Variants in MTSS1 observed in about 807,000 individuals in gnomAD.
MTSS1 encodes the protein MTSS I-BAR domain containing 1, also known as protein MTSS 1.
MTSS1 carries 18 observed loss-of-function variants against 79.0 expected under a neutral mutation model. The observed-to-expected ratio is 0.23, with a 90% CI of 0.16 to 0.34. MTSS1 has a LOEUF of 0.34. Ranked by LOEUF, MTSS1 falls within the 10% of genes least tolerant of loss-of-function variation. The pLI is 1.00. For missense variants in MTSS1, 815 were observed against 986.2 expected (o/e 0.83, Z 2.33); for synonymous variants, 341 against 368.6 (o/e 0.93, Z 0.86).
At chr8:124,621,446 T>C (rs1228271712) in intron 3 of MTSS1, among the ~76,000 whole-genome samples, 18 of 152,346 alleles carry the variant, frequency 1.2e-4, no homozygotes, top group Non-Finnish European at 2.1e-4. Flanking sequence ...GCCAGGCCCA[T>C]GGGCAGAAGG....
At chr8:124,571,907 T>C (rs1370859938) in intron 6 of MTSS1, among the ~76,000 whole-genome samples, 1 of 152,136 alleles carries the variant, frequency 6.6e-6, no homozygotes, top group Non-Finnish European at 1.5e-5. Context: ...GAGGTTGCAG[T>C]GAGCTGAGAT....
intron 3 of MTSS1, among the ~76,000 whole-genome samples, chr8:124,657,360 TTG>T (rs898377752): frequency 6.6e-6 from 1 of 152,074 alleles, no homozygotes; most frequent in Non-Finnish European, 1.5e-5. Context: ...ATTGTCTTTT[TTG>T]TGTGTGTGTT....
intron 3 of MTSS1, among the ~76,000 whole-genome samples, chr8:124,627,102 C>T (rs1814843186): frequency 6.6e-6 from 1 of 152,102 alleles, no homozygotes; most frequent in South Asian, 2.1e-4. Context: ...GCTTCCAAGG[C>T]TGCCACCAGG....
At chr8:124,715,456 C>T (rs763511150) in intron 1 of MTSS1, among the ~76,000 whole-genome samples, 1 of 151,954 alleles carries the variant, frequency 6.6e-6, no homozygotes, top group Non-Finnish European at 1.5e-5. Context: ...GCATGATGAA[C>T]TTGTCACATC....
intron 2 of MTSS1, among the ~76,000 whole-genome samples, chr8:124,703,275 G>C (rs1163043645): frequency 6.6e-6 from 1 of 151,944 alleles, no homozygotes; most frequent in Non-Finnish European, 1.5e-5. Flanking sequence ...GTCAACACAA[G>C]GTTTTATTTT....
At chr8:124,556,662 GCAGGAGACCCGGCAGCCACCTAA>G in intron 11 of MTSS1, 2 of 507,856 alleles carry the variant, frequency 3.9e-6, no homozygotes, top group Non-Finnish European at 7.0e-6. Context: ...CCAGGTGGCA[GCAGGAGACCCGGCAGCCACCTAA>G]CAGGTGACCG....
chr8:124,661,655 G>A (rs1012557619), intron 3 of MTSS1, among the ~76,000 whole-genome samples: 7 of 152,132 alleles, frequency 4.6e-5, no homozygotes, highest in African/African-American at 1.7e-4. Context: ...GGGTGGTAAG[G>A]CTTCCTTCCT....
intron 3 of MTSS1, among the ~76,000 whole-genome samples, chr8:124,672,922 G>A (rs1027448552): frequency 6.6e-6 from 1 of 151,118 alleles, no homozygotes; most frequent in African/African-American, 2.5e-5. Context: ...TATATATGGA[G>A]AAAGAAAAAG....
chr8:124,551,638 T>C lies in MTSS1; in HGVS notation c.*1354A>G, dbSNP rs1408963396. ...GACTTGCTTGCTTTCTTAAACACTA[T>C]TGTCTTCAAATGTGATCCCTTTAAA... is the stretch of plus-strand genomic sequence containing the variant. On this transcript the variant is annotated 3_prime_UTR_variant, in exon 14 of 14. Coordinates refer to ENST00000518547, the MANE Select transcript of MTSS1 (RefSeq NM_014751.6). 1 of 152,446 alleles carries C rather than the reference T, an allele frequency of 6.6e-6. No homozygotes were observed. Among genetic ancestry groups the C allele is most frequent in the East Asian group, 1.9e-4 (1 of 5,196 alleles). The allele number at this position is 152,446 out of a possible 1,614,324, so 9.4% of individuals were successfully genotyped here. A position where few individuals can be genotyped will look rare whatever the true frequency, so the allele number is the denominator to read the frequency against.
intron 3 of MTSS1, among the ~76,000 whole-genome samples, chr8:124,697,396 C>T (rs1829013272): frequency 6.6e-6 from 1 of 151,764 alleles, no homozygotes; most frequent in Non-Finnish European, 1.5e-5. Context: ...CCCATCTCTA[C>T]TAAAAATACA....
rs747329030 is a variant in MTSS1, at chr8:124,553,471, G to C, written c.1789C>G (p.Pro597Ala). The stretch of plus-strand genomic sequence containing the variant: ...CCAATGGTTCCCCGGCGGACAGAAG[G>C]CTTGGTGGAAGGGGTCCGTCGGATA... The part of the protein sequence containing the change: ...ATIRRTPSTK[P>A]SVRRGTIGAG... Residue 597 changes from proline (P) to alanine (A), a missense_variant, in exon 14 of 14, where the codon CCT (proline) becomes GCT (alanine). Around this residue, in one of 2 missense-constraint regions of MTSS1, gnomAD observed 590 missense variants for 620.8 expected, o/e 0.95. Coordinates refer to ENST00000518547, the MANE Select transcript of MTSS1 (RefSeq NM_014751.6). The surrounding 1 kb of genome is among the most constrained non-coding windows in gnomAD (Gnocchi z 6.0). The C allele has an allele frequency of 3.4e-5, 54 of 1,610,600 alleles. No homozygotes were observed. In the East Asian group the frequency reaches 6.9e-4, roughly 21 times the overall value.
intron 3 of MTSS1, among the ~76,000 whole-genome samples, chr8:124,617,204 C>T (rs991867365): frequency 2.6e-5 from 4 of 152,164 alleles, no homozygotes; most frequent in African/African-American, 9.7e-5. Flanking sequence ...AAATGATTTT[C>T]AGGCAGGCGG....
chr8:124,569,308 C>G (rs1351328611), intron 6 of MTSS1, among the ~76,000 whole-genome samples: 2 of 152,208 alleles, frequency 1.3e-5, no homozygotes, highest in African/African-American at 4.8e-5. Flanking sequence ...AACACATGGT[C>G]AGCAAACCAT....
chr8:124,555,137 C>A (rs1823320049), intron 13 of MTSS1, among the ~76,000 whole-genome samples: 2 of 152,234 alleles, frequency 1.3e-5, no homozygotes, highest in African/African-American at 4.8e-5. Flanking sequence ...TAAGCCACTG[C>A]CCTGGCCTGA....
intron 2 of MTSS1, among the ~76,000 whole-genome samples, chr8:124,700,060 G>T (rs1472662618): frequency 6.6e-6 from 1 of 151,844 alleles, no homozygotes; most frequent in East Asian, 1.9e-4. Context: ...AATCGCTTGA[G>T]ACCAGGAGGC....
chr8:124,643,262 C>A (rs543606619), intron 3 of MTSS1, among the ~76,000 whole-genome samples: 1 of 152,228 alleles, frequency 6.6e-6, no homozygotes, highest in East Asian at 1.9e-4. Flanking sequence ...CACAGGAATG[C>A]CTTCTGCAGC....
At chr8:124,614,374 T>C (rs1175951280) in intron 3 of MTSS1, among the ~76,000 whole-genome samples, 1 of 152,028 alleles carries the variant, frequency 6.6e-6, no homozygotes, top group Non-Finnish European at 1.5e-5. Flanking sequence ...CATCTGAGAG[T>C]GAGGCCGCAA....
intron 3 of MTSS1, among the ~76,000 whole-genome samples, chr8:124,640,477 G>A (rs759903342): frequency 2.0e-5 from 3 of 152,176 alleles, no homozygotes; most frequent in Non-Finnish European, 2.9e-5. Context: ...ACCCTGCAAT[G>A]TCAGATTTCA....
intron 3 of MTSS1, among the ~76,000 whole-genome samples, chr8:124,623,464 A>G (rs4871518): frequency 0.55 from 84,105 of 152,018 alleles, 25,932 homozygotes; most frequent in African/African-American, 0.83. Context: ...AAAGAGTTAG[A>G]TGCCCTGGCC....
Sources: allele counts gnomAD v4.1 joint callset (sites outside exome capture counted in the v4.1 genomes callset), GRCh38; gene constraint gnomAD v4.1.1; regional missense constraint gnomAD v4.1.1; non-coding constraint Gnocchi (gnomAD v3.1); transcripts MANE v1.5; gene names NCBI Gene and HGNC (gene_info 2026-07-23, HGNC 2026-07-21).